The following DMRT1 variants were observed in gnomAD, a reference collection of about 807,000 sequenced individuals.
DMRT1 encodes the protein doublesex and mab-3 related transcription factor 1, also known as doublesex- and mab-3-related transcription factor 1.
A neutral mutation model predicts 32.3 loss-of-function variants in DMRT1; 7 were observed. The observed-to-expected ratio is 0.22, with a 90% confidence interval of 0.12 to 0.41. DMRT1 has a LOEUF of 0.41. Among genes scored for constraint, DMRT1 ranks in the 10% least tolerant of loss-of-function variants. The probability of loss-of-function intolerance (pLI) is 1.00; values close to 1 mark genes in which losing one functional copy is unlikely to be tolerated. For synonymous variants in DMRT1, 278 were observed against 206.1 expected (o/e 1.35, Z -2.99); for missense variants, 625 against 500.5 (o/e 1.25, Z -2.37).
chr9:929,004 A>C (rs1818622145), intron 4 of DMRT1, among the ~76,000 whole-genome samples: 1 of 151,802 alleles, frequency 6.6e-6, no homozygotes, highest in Admixed American at 6.6e-5. Context: ...AGCCTGGCTA[A>C]TTTTTTGTAT....
chr9:905,681 A>AAAAG (rs1239009715), intron 3 of DMRT1, among the ~76,000 whole-genome samples: 2 of 151,856 alleles, frequency 1.3e-5, no homozygotes, highest in Non-Finnish European at 2.9e-5. Flanking sequence ...CCGTGAGGGG[A>AAAAG]AGAGGAGGGT....
At chr9:847,928 G>C (rs1362563065) in intron 2 of DMRT1, among the ~76,000 whole-genome samples, 1 of 152,162 alleles carries the variant, frequency 6.6e-6, no homozygotes, top group Admixed American at 6.5e-5. Context: ...ATACAGCTAA[G>C]GGCTATCATA....
chr9:914,271 C>T (rs193290036), intron 3 of DMRT1, among the ~76,000 whole-genome samples: 6 of 152,040 alleles, frequency 3.9e-5, no homozygotes, highest in Non-Finnish European at 7.4e-5. Context: ...CTTTAACCTT[C>T]TATTTAGTAA....
intron 4 of DMRT1, among the ~76,000 whole-genome samples, chr9:936,926 A>G (rs1008294711): frequency 1.3e-5 from 2 of 152,190 alleles, no homozygotes; most frequent in African/African-American, 4.8e-5. Context: ...TATAACCATC[A>G]CCACTATCTA....
At chr9:928,342 C>G (rs1818595663) in intron 4 of DMRT1, among the ~76,000 whole-genome samples, 2 of 152,154 alleles carry the variant, frequency 1.3e-5, no homozygotes, top group African/African-American at 4.8e-5. Flanking sequence ...ATTTTGTGGT[C>G]TTTAAACACC....
At chr9:955,632 T>C (rs1028688732) in intron 4 of DMRT1, among the ~76,000 whole-genome samples, 2 of 152,076 alleles carry the variant, frequency 1.3e-5, no homozygotes, top group African/African-American at 4.8e-5. Flanking sequence ...CCTGAGCCCA[T>C]GAAATTGAGG....
intron 2 of DMRT1, among the ~76,000 whole-genome samples, chr9:881,203 A>C (rs1436107223): frequency 6.6e-6 from 1 of 152,200 alleles, no homozygotes; most frequent in African/African-American, 2.4e-5. Flanking sequence ...GGGGCTCTCC[A>C]GTCCTGTACA....
intron 2 of DMRT1, among the ~76,000 whole-genome samples, chr9:860,598 G>A (rs1009078731): frequency 2.3e-4 from 35 of 152,114 alleles, no homozygotes; most frequent in African/African-American, 7.5e-4. Context: ...ATATCTCTTG[G>A]GGGCTGCCAG....
intron 4 of DMRT1, among the ~76,000 whole-genome samples, chr9:923,194 C>G (rs1270716619): frequency 1.3e-5 from 2 of 152,190 alleles, no homozygotes; most frequent in African/African-American, 2.4e-5. Context: ...CTGGCTGCAC[C>G]TCCCAAGTTT....
At chr9:913,876 G>GAGT (rs753317278) in intron 3 of DMRT1, among the ~76,000 whole-genome samples, 1 of 146,746 alleles carries the variant, frequency 6.8e-6, no homozygotes, top group Non-Finnish European at 1.5e-5. Flanking sequence ...CTGGGCAACA[G>GAGT]AGTGAGACTC....
In DMRT1 at chr9:932,171, C is replaced by A. The variant is rs142721416; in HGVS notation, c.967+15264C>A. ...TTCCTCATTTAACTCCCTAGAATTTCATTTCATTTCATTTCTACCTCTGAA... is the reference window on the plus strand; with the variant it reads ...TTCCTCATTTAACTCCCTAGAATTTAATTTCATTTCATTTCTACCTCTGAA... On this transcript the variant is annotated intron_variant, in intron 4 of 4. Coordinates refer to ENST00000382276, the MANE Select transcript of DMRT1 (RefSeq NM_021951.3). Among the ~76,000 whole-genome samples the A allele has an allele frequency of 5.9e-3, 901 of 152,306 alleles. 7 individuals carry two copies. Among genetic ancestry groups the A allele is most frequent in the African/African-American group, 0.021 (865 of 41,574 alleles).
intron 3 of DMRT1, among the ~76,000 whole-genome samples, chr9:901,241 C>G (rs1817561997): frequency 6.6e-6 from 1 of 152,154 alleles, no homozygotes; most frequent in African/African-American, 2.4e-5. Flanking sequence ...TCTCAGACTC[C>G]TGGACATTCA....
At chr9:878,200 G>GAC (rs149257815) in intron 2 of DMRT1, among the ~76,000 whole-genome samples, 2 of 94,038 alleles carry the variant, frequency 2.1e-5, no homozygotes, top group African/African-American at 4.3e-5. Context: ...TGCAGCTGCT[G>GAC]CCCCCCCCCC....
At chr9:933,979 C>G (rs1017011720) in intron 4 of DMRT1, among the ~76,000 whole-genome samples, 1 of 150,284 alleles carries the variant, frequency 6.7e-6, no homozygotes, top group Non-Finnish European at 1.5e-5. Flanking sequence ...TGACTGCTAA[C>G]AGAATTAGTT....
rs202115252 is a variant in DMRT1, at chr9:916,763, A to T, written c.823A>T (p.Met275Leu). ...VPGQTGNQWQ[M>L]KNMENRHAMS... is the part of the protein sequence containing the mutation. ...ATATTTCTTCTTTTTTCTTAAGCAG[A>T]TGAAGAACATGGAGAACCGCCATGC... Residue 275 changes from methionine (M) to leucine (L), a missense_variant and splice_region_variant, in exon 4 of 5, where the codon ATG (methionine) becomes TTG (leucine). By Grantham distance (15) the Met-to-Leu change is conservative. This residue lies in a region of DMRT1 where 416 missense variants were observed against 321.6 expected (regional missense o/e 1.29). Transcript: ENST00000382276. 2 of 1,614,072 alleles carry T rather than the reference A, an allele frequency of 1.2e-6. No individual in the cohort carries two copies.
chr9:942,702 A>G (rs911479205), intron 4 of DMRT1, among the ~76,000 whole-genome samples: 3 of 152,086 alleles, frequency 2.0e-5, no homozygotes, highest in Non-Finnish European at 4.4e-5. Flanking sequence ...TCTTGTGTTC[A>G]TAGTCAGATT....
At chr9:956,074 G>C (rs746472803) in intron 4 of DMRT1, among the ~76,000 whole-genome samples, 6 of 152,228 alleles carry the variant, frequency 3.9e-5, no homozygotes, top group Non-Finnish European at 7.3e-5. Context: ...GTATACAATG[G>C]AATGTTATTT....
intron 2 of DMRT1, among the ~76,000 whole-genome samples, chr9:873,381 C>G (rs1816357358): frequency 6.6e-6 from 1 of 151,774 alleles, no homozygotes; most frequent in South Asian, 2.1e-4. Flanking sequence ...TCTTGGCTCA[C>G]CATAACCTCC....
intron 4 of DMRT1, among the ~76,000 whole-genome samples, chr9:926,864 T>C (rs947194056): frequency 1.3e-5 from 2 of 152,242 alleles, no homozygotes; most frequent in Non-Finnish European, 2.9e-5. Flanking sequence ...CATCCCTGCC[T>C]GCTCAGTAGA....
Sources: allele counts gnomAD v4.1 joint callset (sites outside exome capture counted in the v4.1 genomes callset), GRCh38; gene constraint gnomAD v4.1.1; regional missense constraint gnomAD v4.1.1; transcripts MANE v1.5; gene names NCBI Gene and HGNC (gene_info 2026-07-23, HGNC 2026-07-21).